The following CERCAM variants were observed in gnomAD, a reference collection of about 807,000 sequenced individuals.
CERCAM encodes cerebral endothelial cell adhesion molecule.
In CERCAM, 59 loss-of-function variants were observed where a neutral mutation model predicts 66.0. That is an observed-to-expected ratio of 0.89 (90% confidence interval 0.73 to 1.11). The LOEUF is 1.11. Ranked by LOEUF, CERCAM falls within the 50% of genes most tolerant of loss-of-function variation. The pLI, the probability that CERCAM is intolerant of heterozygous loss-of-function variation, is 0.00. For synonymous variants in CERCAM, 318 were observed against 343.6 expected, an observed-to-expected ratio of 0.93 and a Z score of 0.83; for missense variants, 840 against 828.3, an observed-to-expected ratio of 1.01 and a Z score of -0.17.
intron 7 of CERCAM, 24 bp downstream of exon 7, chr9:128,428,857 C>T (rs779386778): frequency 6.8e-6 from 11 of 1,612,654 alleles, no homozygotes; most frequent in East Asian, 2.2e-5. Context: ...CCTGTGGGCT[C>T]GCTGTTAGGA....
At chr9:128,433,651 G>T (rs1182446758) in intron 9 of CERCAM, among the ~76,000 whole-genome samples, 1 of 152,050 alleles carries the variant, frequency 6.6e-6, no homozygotes, top group Non-Finnish European at 1.5e-5. Flanking sequence ...AAAAAAAAAG[G>T]AAAATTGCAG....
At chr9:128,424,720 A>T in intron 5 of CERCAM, 106 bp downstream of exon 5, 1 of 1,054,764 alleles carries the variant, frequency 9.5e-7, no homozygotes, top group Non-Finnish European at 1.4e-6. Context: ...TCATCCTGTT[A>T]ACCCATGAGT....
intron 3 of CERCAM, among the ~76,000 whole-genome samples, chr9:128,423,775 T>C (rs1157147226): frequency 6.6e-6 from 1 of 152,160 alleles, no homozygotes; most frequent in East Asian, 1.9e-4. Flanking sequence ...ACCCCTCAGA[T>C]AGATCCCGTT....
chr9:128,420,583 C>T, upstream of CERCAM: 1 of 188,172 alleles, frequency 5.3e-6, no homozygotes, highest in East Asian at 1.4e-4. This position sits in a 1 kb window ranked among gnomAD's most constrained non-coding sequence, Gnocchi z 5.0. Context: ...AGCACCCCTC[C>T]CCTGTCCGGT....
chr9:128,436,055 G>A (rs1564433228), intron 12 of CERCAM, 150 bp downstream of exon 12: 1 of 1,024,262 alleles, frequency 9.8e-7, no homozygotes, highest in South Asian at 1.7e-5. Context: ...TGTTGTTGTT[G>A]TTGTTTGTTT....
At chr9:128,433,437 C>T (rs536711242) in intron 9 of CERCAM, among the ~76,000 whole-genome samples, 92 of 152,200 alleles carry the variant, frequency 6.0e-4, no homozygotes, top group Admixed American at 1.2e-3. Context: ...GCCACTTCCC[C>T]GCCCCCAGAG....
chr9:128,431,692 A>AG, intron 9 of CERCAM: 1 of 184,428 alleles, frequency 5.4e-6, no homozygotes, highest in South Asian at 1.2e-4. Context: ...CTCGTGTGGG[A>AG]GGGGGTCAGA....
rs1833905511 is a variant in CERCAM, at chr9:128,428,789, G to A, written c.919G>A (p.Val307Met). ...CCCCCGCATGCAGGCCTCAGCTCAT[G>A]TGACTCGGCCCTCTAAGAGGCCCAG... ...DGPRMQASAH[V>M]TRPSKRPSKI... Residue 307 changes from valine to methionine, a missense_variant, in exon 7 of 13, where the codon GTG becomes ATG. Val to Met is a conservative substitution (Grantham distance 21). Transcript: ENST00000372838. 6.2e-7 allele frequency: 1 copy of A among 1,613,980 alleles called. No individual in the cohort carries two copies. The highest frequency in any genetic ancestry group is 2.2e-5 in the East Asian group (1 of 44,872).
chr9:128,421,520 T>C (rs1423064754), intron 1 of CERCAM: 1 of 987,550 alleles, frequency 1.0e-6, no homozygotes, highest in East Asian at 1.1e-4. Context: ...AGGTTGGGGG[T>C]GCCATCAGCA....
chr9:128,428,284 C>A lies in CERCAM; in HGVS notation c.767-18C>A. The A allele has an allele frequency of 6.2e-7, 1 of 1,612,920 alleles. No homozygotes were observed. The highest frequency in any genetic ancestry group is 8.5e-7 in the Non-Finnish European group (1 of 1,179,342). Reference sequence around the variant, plus strand: ...GCCCCACCCTCCACTGCAGCTCTCACTCAGCCTGTCTCTGCAGGGGTCTCC... The same window carrying A: ...GCCCCACCCTCCACTGCAGCTCTCAATCAGCCTGTCTCTGCAGGGGTCTCC... On this transcript the variant is annotated intron_variant, in intron 5 of 12. Transcript: ENST00000372838.
chr9:128,435,152 C>A (rs1007916178), intron 11 of CERCAM, among the ~76,000 whole-genome samples: 1 of 152,144 alleles, frequency 6.6e-6, no homozygotes, highest in Non-Finnish European at 1.5e-5. Context: ...TGCCACCACA[C>A]CAAGCTAACT....
chr9:128,430,974 A>G, intron 8 of CERCAM, 197 bp from the exon 9 acceptor site: 1 of 607,660 alleles, frequency 1.6e-6, no homozygotes, highest in Non-Finnish European at 2.8e-6. Flanking sequence ...GTGCCACTGC[A>G]CTCCAGCCTG....
At chr9:128,436,031 T>C (rs1355132405) in intron 12 of CERCAM, 126 bp downstream of exon 12, 1 of 1,079,750 alleles carries the variant, frequency 9.3e-7, no homozygotes, top group Non-Finnish European at 1.3e-6. Context: ...CATCTCTAGC[T>C]TTGCCTTTAT....
intron 11 of CERCAM, 150 bp from the exon 12 acceptor site, chr9:128,435,503 G>T (rs1834086899): frequency 2.8e-6 from 2 of 724,182 alleles, no homozygotes; most frequent in Non-Finnish European, 4.4e-6. Flanking sequence ...AATGGAGGTA[G>T]TAGAAGTCCC....
chr9:128,424,052 TG>T, intron 3 of CERCAM, 85 bp from the exon 4 acceptor site: 1 of 1,473,944 alleles, frequency 6.8e-7, no homozygotes, highest in Non-Finnish European at 9.2e-7. Context: ...GGAGCCACGC[TG>T]GGTCTCTGGC....
intron 9 of CERCAM, among the ~76,000 whole-genome samples, chr9:128,432,440 A>G (rs1833998164): frequency 7.0e-6 from 1 of 143,264 alleles, no homozygotes; most frequent in Non-Finnish European, 1.5e-5. Flanking sequence ...GCGGGAGTGC[A>G]GTGGCGTGAT....
intron 8 of CERCAM, among the ~76,000 whole-genome samples, chr9:128,429,506 T>C (rs1833925739): frequency 6.6e-6 from 1 of 152,204 alleles, no homozygotes; most frequent in South Asian, 2.1e-4. Flanking sequence ...AGGCCAGCCA[T>C]GTTCCCCCGA....
In CERCAM at chr9:128,434,628, G is replaced by A. The variant is rs1323139071; in HGVS notation, c.1535+15G>A. 1.0e-6 allele frequency: 1 copy of A among 999,952 alleles called. No homozygotes were observed. The highest frequency in any genetic ancestry group is 2.8e-5 in the Admixed American group (1 of 35,690). 61.9% of individuals were successfully genotyped at this position (999,952 alleles called of 1,614,324 possible). A position where few individuals can be genotyped will look rare whatever the true frequency, so the allele number is the denominator to read the frequency against. On this transcript the variant is annotated intron_variant, in intron 11 of 12. Coordinates refer to ENST00000372838, the MANE Select transcript of CERCAM (RefSeq NM_016174.5). This position sits in a 1 kb window ranked among gnomAD's most constrained non-coding sequence, Gnocchi z 4.5. ...CAGCACCCCAAGTGAGGCTCTGATG[G>A]GGGCCGGGCATGGCAGGGCAGAGGC...
chr9:128,424,422 C>T lies in CERCAM; in HGVS notation c.574C>T (p.Arg192Cys), dbSNP rs377710902. ...CCCTTTTCCCCAGGGCTACTACCGCCGCACAGCCGAGTACTTCCCCACCAA... is the reference window on the plus strand; with the variant it reads ...CCCTTTTCCCCAGGGCTACTACCGCTGCACAGCCGAGTACTTCCCCACCAA... ...CGITPQGYYR[R>C]TAEYFPTKNR... Residue 192 changes from arginine (R) to cysteine (C), a missense_variant, in exon 5 of 13, where the codon CGC becomes TGC. Physicochemically the swap from Arg to Cys is radical, Grantham distance 180 (BLOSUM62 -3). Coordinates refer to ENST00000372838, the MANE Select transcript of CERCAM (RefSeq NM_016174.5). 25 of 1,614,036 alleles carry T rather than the reference C, an allele frequency of 1.5e-5. No individual in the cohort carries two copies. Among genetic ancestry groups the T allele is most frequent in the Middle Eastern group, 1.6e-4 (1 of 6,062 alleles).
Sources: gnomAD v4.1 joint callset for allele counts (sites outside exome capture counted in the v4.1 genomes callset) on GRCh38, gnomAD v4.1.1 for gene constraint, Gnocchi (gnomAD v3.1) non-coding constraint, MANE v1.5 for transcripts, NCBI Gene and HGNC (gene_info 2026-07-23, HGNC 2026-07-21) for gene names.